The following IGFL2 variants were observed in gnomAD, a reference collection of about 807,000 sequenced individuals.
IGFL2 encodes the protein IGF like family member 2.
Under a neutral mutation model 13.9 loss-of-function variants are expected in IGFL2, and 7 were observed. That is an observed-to-expected ratio of 0.51 (90% CI 0.29 to 0.95). The LOEUF (loss-of-function observed/expected upper bound fraction) is 0.95. Ranked by LOEUF, IGFL2 falls within the 40% of genes least tolerant of loss-of-function variation. IGFL2 has a pLI of 0.08. For missense variants in IGFL2, 138 were observed against 147.8 expected, an observed-to-expected ratio of 0.93 and a Z score of 0.34; for synonymous variants, 55 against 55.8, an observed-to-expected ratio of 0.99 and a Z score of 0.07.
the IGFL2 span, among the ~76,000 whole-genome samples, chr19:46,172,557 G>A: frequency 2.0e-5 from 3 of 152,090 alleles, no homozygotes; most frequent in African/African-American, 4.8e-5. Context: ...ACTCAAATGA[G>A]CCTCCCACCT....
chr19:46,205,950 T>A, the IGFL2 span, among the ~76,000 whole-genome samples: 2 of 152,184 alleles, frequency 1.3e-5, no homozygotes, highest in African/African-American at 4.8e-5. Context: ...AGATGTGCAT[T>A]GGAGGTGACT....
At chr19:46,119,394 C>G in the IGFL2 span, among the ~76,000 whole-genome samples, 4 of 152,166 alleles carry the variant, frequency 2.6e-5, no homozygotes, top group African/African-American at 9.7e-5. Context: ...GAGAACCTGC[C>G]CACACACAGG....
chr19:46,186,358 G>T, the IGFL2 span, among the ~76,000 whole-genome samples: 1 of 152,196 alleles, frequency 6.6e-6, no homozygotes, highest in Non-Finnish European at 1.5e-5. Flanking sequence ...TGGCGCTCCG[G>T]AGAATTTTGG....
chr19:46,163,104 C>T (rs956429590), downstream of IGFL2, among the ~76,000 whole-genome samples: 9 of 152,164 alleles, frequency 5.9e-5, no homozygotes, highest in African/African-American at 2.2e-4. Context: ...GGGTGTGATC[C>T]AGCAGGTGGC....
chr19:46,176,181 T>A, the IGFL2 span, among the ~76,000 whole-genome samples: 77,845 of 145,996 alleles, frequency 0.53, 21,068 homozygotes, highest in Middle Eastern at 0.62. Flanking sequence ...TCAAAATTAA[T>A]GCCAAAAAAA....
chr19:46,134,338 A>G, the IGFL2 span, among the ~76,000 whole-genome samples: 2 of 152,174 alleles, frequency 1.3e-5, no homozygotes, highest in Admixed American at 6.5e-5. Context: ...CAAGGAAGAC[A>G]GTTTTTCCAT....
At chr19:46,210,862 G>A in the IGFL2 span, among the ~76,000 whole-genome samples, 1 of 151,612 alleles carries the variant, frequency 6.6e-6, no homozygotes, top group Non-Finnish European at 1.5e-5. Context: ...ATCACAGAGG[G>A]TGTGCATGAT....
chr19:46,101,528 G>A, the IGFL2 span, among the ~76,000 whole-genome samples: 1 of 152,230 alleles, frequency 6.6e-6, no homozygotes, highest in Non-Finnish European at 1.5e-5. Context: ...GTGCTCCACT[G>A]TGGGGAATAC....
the IGFL2 span, among the ~76,000 whole-genome samples, chr19:46,104,957 T>C: frequency 1.3e-5 from 2 of 151,354 alleles, no homozygotes; most frequent in African/African-American, 4.9e-5. Flanking sequence ...AGTGGGAGAG[T>C]AGGTGGGAGT....
At chr19:46,153,098 A>C (rs1217081149) in intron 1 of IGFL2, among the ~76,000 whole-genome samples, 1 of 152,180 alleles carries the variant, frequency 6.6e-6, no homozygotes, top group East Asian at 1.9e-4. Flanking sequence ...TTTTGAACTT[A>C]TATTCATAAG....
the IGFL2 span, among the ~76,000 whole-genome samples, chr19:46,171,091 C>G: frequency 7.9e-5 from 12 of 152,034 alleles, no homozygotes; most frequent in African/African-American, 2.7e-4. Context: ...TAAAAACTTG[C>G]TGGTTTTATG....
At chr19:46,150,300 AAATAC>A (rs1157503607) in intron 1 of IGFL2, among the ~76,000 whole-genome samples, 2 of 152,192 alleles carry the variant, frequency 1.3e-5, no homozygotes, top group East Asian at 1.9e-4. Context: ...TATAATTTGC[AAATAC>A]TTTCCTCATT....
At chr19:46,117,471 T>C in the IGFL2 span, among the ~76,000 whole-genome samples, 4 of 152,142 alleles carry the variant, frequency 2.6e-5, no homozygotes, top group Admixed American at 1.3e-4. Context: ...TTTGTTTGTT[T>C]GTTTGCTTGC....
At chr19:46,136,764 T>C in the IGFL2 span, 1 of 619,826 alleles carries the variant, frequency 1.6e-6, no homozygotes, top group Admixed American at 1.9e-5. Context: ...AAGTTTCGGC[T>C]GAAGCTCTGT....
chr19:46,180,260 C>A, the IGFL2 span, among the ~76,000 whole-genome samples: 601 of 150,906 alleles, frequency 4.0e-3, 3 homozygotes, highest in African/African-American at 0.012. Flanking sequence ...CTCACTGCAA[C>A]CTCCACCTCC....
chr19:46,086,532 C>G, the IGFL2 span, among the ~76,000 whole-genome samples: 25 of 152,294 alleles, frequency 1.6e-4, no homozygotes, highest in African/African-American at 5.8e-4. Flanking sequence ...CCATGTTGGC[C>G]AGGCTCATCT....
upstream of IGFL2, chr19:46,148,214 A>T: frequency 6.9e-7 from 1 of 1,456,100 alleles, no homozygotes; most frequent in Non-Finnish European, 9.4e-7. Flanking sequence ...AGCCTACATA[A>T]GTCCCTGTAT....
the IGFL2 span, chr19:46,190,450 G>A: frequency 6.6e-6 from 1 of 152,364 alleles, no homozygotes; most frequent in South Asian, 2.1e-4. Flanking sequence ...CTTGAGCAAA[G>A]TCTTAACTCA....
chr19:46,184,576 T>C, the IGFL2 span, among the ~76,000 whole-genome samples: 2 of 152,188 alleles, frequency 1.3e-5, no homozygotes, highest in African/African-American at 4.8e-5. Flanking sequence ...GCTTCATCCA[T>C]GTCCCTGCAA....
Sources: gnomAD v4.1 joint callset for allele counts (sites outside exome capture counted in the v4.1 genomes callset) on GRCh38, gnomAD v4.1.1 for gene constraint, MANE v1.5 for transcripts, NCBI Gene and HGNC (gene_info 2026-07-23, HGNC 2026-07-21) for gene names.